PIBF1: variants seen among roughly 807,000 people sequenced by gnomAD.
PIBF1 encodes progesterone-induced-blocking factor 1.
Under a neutral mutation model 112.5 loss-of-function variants are expected in PIBF1, and 90 were observed. The ratio of observed to expected loss-of-function variants is 0.80; its 90% CI spans 0.67 to 0.95. PIBF1 has a LOEUF of 0.95. PIBF1 is among the 40% of genes least tolerant of loss of function. The pLI is 0.00. For missense variants in PIBF1, 915 were observed against 852.3 expected (o/e 1.07, Z -0.92); for synonymous variants, 301 against 288.6 (o/e 1.04, Z -0.44).
At chr13:72,842,064 T>G (rs1037536330) in intron 9 of PIBF1, among the ~76,000 whole-genome samples, 2 of 152,212 alleles carry the variant, frequency 1.3e-5, no homozygotes, top group African/African-American at 4.8e-5. Context: ...TTTAACCAGT[T>G]TTCTTAAATG....
Position 72,962,103 on chromosome 13 carries a change from T to G in PIBF1, c.1834-3171T>G, listed in dbSNP as rs528983271. Among the ~76,000 whole-genome samples, 5 of 152,294 alleles carry G rather than the reference T, an allele frequency of 3.3e-5. No homozygotes were observed. The South Asian group carries it at 1.0e-3, about 32-fold the overall frequency. ...TTGTTTATACTGACTTATAATTTAT[T>G]ACTATACATAGTGTAAATTATGATA... On this transcript the variant is annotated intron_variant, in intron 14 of 17. Coordinates refer to ENST00000326291, the MANE Select transcript of PIBF1 (RefSeq NM_006346.4).
chr13:72,841,153 C>T (rs2138239680), intron 9 of PIBF1, among the ~76,000 whole-genome samples: 1 of 152,260 alleles, frequency 6.6e-6, no homozygotes, highest in Admixed American at 6.5e-5. Flanking sequence ...TGTATGTATG[C>T]TTTGGTCCAG....
At chr13:72,947,875 G>C (rs2138841839) in intron 14 of PIBF1, among the ~76,000 whole-genome samples, 1 of 152,306 alleles carries the variant, frequency 6.6e-6, no homozygotes, top group East Asian at 1.9e-4. Context: ...AGAAAATGAG[G>C]CACATACACC....
At chr13:72,903,850 C>G (rs2040590314) in intron 11 of PIBF1, among the ~76,000 whole-genome samples, 1 of 152,102 alleles carries the variant, frequency 6.6e-6, no homozygotes, top group African/African-American at 2.4e-5. Flanking sequence ...AAGATTTGAA[C>G]CCAGTTACTC....
chr13:72,950,771 G>C (rs1044048294), intron 14 of PIBF1, among the ~76,000 whole-genome samples: 3 of 152,150 alleles, frequency 2.0e-5, no homozygotes, highest in Non-Finnish European at 2.9e-5. Context: ...AGAAATTCCT[G>C]CCCTTTGGTG....
intron 16 of PIBF1, among the ~76,000 whole-genome samples, chr13:72,981,149 G>T (rs1566514531): frequency 6.6e-6 from 1 of 151,742 alleles, no homozygotes; most frequent in Non-Finnish European, 1.5e-5. Context: ...GGAGCCTGCG[G>T]CAGGAGAATC....
At chr13:72,919,090 T>C (rs1566447228) in intron 13 of PIBF1, among the ~76,000 whole-genome samples, 1 of 152,166 alleles carries the variant, frequency 6.6e-6, no homozygotes, top group Non-Finnish European at 1.5e-5. Context: ...CATCAGAGCG[T>C]TTGAGAATTC....
intron 5 of PIBF1, among the ~76,000 whole-genome samples, chr13:72,802,176 A>ATGGGAGT (rs1313444785): frequency 6.6e-5 from 10 of 152,096 alleles, no homozygotes; most frequent in Admixed American, 6.6e-4. Context: ...TTTTGACTGT[A>ATGGGAGT]TGGGAGTTGG....
At chr13:72,853,913 C>G in intron 9 of PIBF1, 144 bp from the exon 10 acceptor site, 1 of 608,834 alleles carries the variant, frequency 1.6e-6, no homozygotes, top group Non-Finnish European at 2.9e-6. Flanking sequence ...GATACTCAAC[C>G]AAGCCAAGCA....
intron 13 of PIBF1, among the ~76,000 whole-genome samples, chr13:72,927,968 TATATATATAC>T (rs2041556147): frequency 8.2e-6 from 1 of 122,476 alleles, no homozygotes; most frequent in Non-Finnish European, 1.7e-5. Flanking sequence ...TACACATATA[TATATATATAC>T]ATATATATAT....
intron 14 of PIBF1, among the ~76,000 whole-genome samples, chr13:72,963,819 T>C (rs2042669533): frequency 6.6e-6 from 1 of 152,196 alleles, no homozygotes; most frequent in South Asian, 2.1e-4. Flanking sequence ...ATGCCCAGTA[T>C]GCACATGAAA....
chr13:72,901,681 T>C (rs1459328309), intron 11 of PIBF1, among the ~76,000 whole-genome samples: 1 of 148,936 alleles, frequency 6.7e-6, no homozygotes, highest in East Asian at 1.9e-4. Context: ...GCGAGACTCC[T>C]TCTCAAGAAA....
chr13:72,938,755 C>T (rs866851742), intron 14 of PIBF1, among the ~76,000 whole-genome samples: 1 of 152,136 alleles, frequency 6.6e-6, no homozygotes, highest in African/African-American at 2.4e-5. Flanking sequence ...AACTGTTTTT[C>T]GTAGTGACTA....
chr13:72,808,039 T>C (rs2035824563), intron 5 of PIBF1, among the ~76,000 whole-genome samples: 1 of 152,256 alleles, frequency 6.6e-6, no homozygotes, highest in Admixed American at 6.5e-5. Context: ...TGGTATTACA[T>C]TGAATGGCTC....
chr13:72,936,707 C>G (rs982662549), intron 14 of PIBF1, among the ~76,000 whole-genome samples: 1 of 152,108 alleles, frequency 6.6e-6, no homozygotes, highest in East Asian at 1.9e-4. Flanking sequence ...ATCTGGAAAT[C>G]AGATAGTATT....
intron 9 of PIBF1, among the ~76,000 whole-genome samples, chr13:72,839,513 C>G (rs572194386): frequency 1.3e-5 from 2 of 152,170 alleles, no homozygotes; most frequent in East Asian, 1.9e-4. Context: ...ATTAGAGAGG[C>G]CTGTGGTATA....
Position 72,840,977 on chromosome 13 carries a change from A to G in PIBF1, c.1223+5609A>G, listed in dbSNP as rs143137112. On this transcript the variant is annotated intron_variant, in intron 9 of 17. Coordinates refer to ENST00000326291, the MANE Select transcript of PIBF1 (RefSeq NM_006346.4). The stretch of plus-strand genomic sequence containing the variant: ...AGGCACATGGAACTTACTCTGTCCA[A>G]TCTTGGTATCTGACCTGCAGTCATT... Among the ~76,000 whole-genome samples, 549 of 152,316 alleles carry G rather than the reference A, an allele frequency of 3.6e-3. 2 individuals are homozygous for G. The highest frequency in any genetic ancestry group is 0.012 in the African/African-American group (507 of 41,570).
At chr13:72,994,682 G>A (rs930954399) in intron 16 of PIBF1, among the ~76,000 whole-genome samples, 2 of 152,082 alleles carry the variant, frequency 1.3e-5, no homozygotes, top group Non-Finnish European at 2.9e-5. Context: ...CAATGAGAGC[G>A]GAATCTGAAA....
chr13:72,905,214 C>T (rs1025085356), intron 11 of PIBF1, among the ~76,000 whole-genome samples: 3 of 151,924 alleles, frequency 2.0e-5, no homozygotes, highest in Non-Finnish European at 2.9e-5. Flanking sequence ...ATTACATGCA[C>T]GCACCACAAC....
Sources: allele counts gnomAD v4.1 joint callset (sites outside exome capture counted in the v4.1 genomes callset), GRCh38; gene constraint gnomAD v4.1.1; transcripts MANE v1.5; gene names NCBI Gene and HGNC (gene_info 2026-07-23, HGNC 2026-07-21).